VGLL3: variants seen among roughly 807,000 people sequenced by gnomAD.
The protein encoded by VGLL3 is vestigial like family member 3, also known as transcription cofactor vestigial-like protein 3.
VGLL3 carries 18 observed loss-of-function variants against 29.2 expected under a neutral mutation model. The observed-to-expected ratio is 0.62, with a 90% CI of 0.43 to 0.91. The LOEUF (loss-of-function observed/expected upper bound fraction) is 0.91, where lower values mean the gene tolerates loss of function less well. VGLL3 is among the 40% of genes least tolerant of loss of function. The probability of loss-of-function intolerance (pLI) is 0.00; values close to 1 mark genes in which losing one functional copy is unlikely to be tolerated. For missense variants in VGLL3, 440 were observed against 413.2 expected (o/e 1.06, Z -0.56); for synonymous variants, 180 against 151.8 (o/e 1.19, Z -1.36).
intron 3 of VGLL3, among the ~76,000 whole-genome samples, chr3:86,959,984 AT>A (rs1704804624): frequency 6.6e-6 from 1 of 152,028 alleles, no homozygotes; most frequent in Non-Finnish European, 1.5e-5. Flanking sequence ...CTGCCTCTCC[AT>A]TTGCTTCTCT....
chr3:86,984,295 G>A (rs1197866281), intron 1 of VGLL3, among the ~76,000 whole-genome samples: 2 of 152,164 alleles, frequency 1.3e-5, no homozygotes, highest in Non-Finnish European at 2.9e-5. Context: ...TCAGGATTCT[G>A]TGTTTGTTTC....
At chr3:86,968,182 ATAC>A (rs1204463856) in intron 3 of VGLL3, among the ~76,000 whole-genome samples, 1 of 152,230 alleles carries the variant, frequency 6.6e-6, no homozygotes, top group Non-Finnish European at 1.5e-5. Flanking sequence ...TTTATAAGTC[ATAC>A]ATAAGGCCTA....
At chr3:86,978,823 C>T (rs375610170) in intron 1 of VGLL3, 21 bp from the exon 2 acceptor site, 7 of 1,572,670 alleles carry the variant, frequency 4.5e-6, no homozygotes, top group Non-Finnish European at 2.6e-6. Context: ...ATAAACAAAA[C>T]ACAGTATCAA....
intron 3 of VGLL3, chr3:86,962,137 T>A: frequency 1.0e-6 from 1 of 985,428 alleles, no homozygotes; most frequent in Non-Finnish European, 1.2e-6. Flanking sequence ...AATGTGAGAT[T>A]TGTGATAACA....
intron 2 of VGLL3, among the ~76,000 whole-genome samples, chr3:86,973,236 A>T (rs1427018056): frequency 6.6e-6 from 1 of 152,160 alleles, no homozygotes; most frequent in Non-Finnish European, 1.5e-5. Flanking sequence ...TGTTATAGAA[A>T]CTCTAAGTCA....
chr3:86,971,511 C>T (rs1472114331), intron 2 of VGLL3, among the ~76,000 whole-genome samples: 1 of 152,236 alleles, frequency 6.6e-6, no homozygotes, highest in African/African-American at 2.4e-5. Context: ...GAACTGCACA[C>T]TTTAAGTCTT....
chr3:86,954,825 G>A (rs1704684195), intron 3 of VGLL3, among the ~76,000 whole-genome samples: 1 of 150,064 alleles, frequency 6.7e-6, no homozygotes, highest in Admixed American at 6.6e-5. Context: ...AGGAAGAAGG[G>A]AGTGGGGAAA....
At chr3:86,970,269 A>G (rs918911913) in intron 2 of VGLL3, among the ~76,000 whole-genome samples, 4 of 152,120 alleles carry the variant, frequency 2.6e-5, no homozygotes, top group Admixed American at 1.3e-4. Context: ...AATGGACATC[A>G]TTTTTAGTCA....
At position 86,968,673 on chromosome 3, in the gene VGLL3, G is replaced by T; in HGVS notation, c.854C>A (p.Thr285Asn). 1 of 1,614,208 alleles carries T rather than the reference G, an allele frequency of 6.2e-7. No homozygotes were observed. The highest frequency in any genetic ancestry group is 8.5e-7 in the Non-Finnish European group (1 of 1,180,038). ...TGCTGAGGTAGCAGAGGTGACTGTAGTTGGTTCTGTCTTTGTGATGTCACA... is the reference window on the plus strand; with the variant it reads ...TGCTGAGGTAGCAGAGGTGACTGTATTTGGTTCTGTCTTTGTGATGTCACA... ...PQCDITKTEP[T>N]TVTSATSAWA... is the part of the protein sequence containing the mutation. The change falls in exon 3 of 4, where the codon ACT (threonine) becomes AAT (asparagine). Residue 285 changes from threonine (T) to asparagine (N), a missense_variant. Coordinates refer to ENST00000398399, the MANE Select transcript of VGLL3 (RefSeq NM_016206.4).
At chr3:86,966,652 G>A (rs1230348863) in intron 3 of VGLL3, among the ~76,000 whole-genome samples, 1 of 150,852 alleles carries the variant, frequency 6.6e-6, no homozygotes, top group East Asian at 2.0e-4. Context: ...CTTCAGCTTG[G>A]ACACATAACA....
intron 1 of VGLL3, among the ~76,000 whole-genome samples, chr3:86,981,995 C>T (rs1705335222): frequency 6.6e-6 from 1 of 152,138 alleles, no homozygotes; most frequent in Non-Finnish European, 1.5e-5. Flanking sequence ...TAAGTGCGAT[C>T]ATGAGGAAAA....
At chr3:86,952,645 T>A (rs1382392387) in intron 3 of VGLL3, among the ~76,000 whole-genome samples, 2 of 152,176 alleles carry the variant, frequency 1.3e-5, no homozygotes, top group East Asian at 3.8e-4. Flanking sequence ...CAAGAAGCCA[T>A]GTGGATTAGA....
chr3:86,947,370 C>T (rs573827274), intron 3 of VGLL3, among the ~76,000 whole-genome samples: 10 of 152,004 alleles, frequency 6.6e-5, no homozygotes, highest in East Asian at 1.9e-4. Context: ...ATAGCAAAAA[C>T]GAAACATTTG....
chr3:86,947,165 T>C, intron 3 of VGLL3, 98 bp from the exon 4 acceptor site: 2 of 742,890 alleles, frequency 2.7e-6, no homozygotes, highest in Non-Finnish European at 5.0e-6. Context: ...GAAACCAAAA[T>C]GATAATCCAG....
chr3:86,966,052 C>T (rs1704951318), intron 3 of VGLL3, among the ~76,000 whole-genome samples: 1 of 152,006 alleles, frequency 6.6e-6, no homozygotes, highest in African/African-American at 2.4e-5. Context: ...ATAAAATGAC[C>T]ACATATGGCT....
intron 2 of VGLL3, among the ~76,000 whole-genome samples, chr3:86,969,976 C>A (rs1705059742): frequency 6.6e-6 from 1 of 152,096 alleles, no homozygotes; most frequent in Non-Finnish European, 1.5e-5. Context: ...ATGGCTGGGC[C>A]TCTTCATAAA....
At chr3:86,972,753 A>C (rs148196610) in intron 2 of VGLL3, among the ~76,000 whole-genome samples, 4 of 152,302 alleles carry the variant, frequency 2.6e-5, no homozygotes, top group Non-Finnish European at 4.4e-5. Flanking sequence ...ATTCAATATT[A>C]CCTGGTATAC....
chr3:86,944,110 C>G lies in VGLL3; in HGVS notation c.*2914G>C, dbSNP rs1270611226. On this transcript the variant is annotated 3_prime_UTR_variant, in exon 4 of 4. Coordinates refer to ENST00000398399, the MANE Select transcript of VGLL3 (RefSeq NM_016206.4). ...TCAGAATATTATGCTAAATTACAAC[C>G]CATCCTCTTTTAGGACTTCTAACAG... The G allele has an allele frequency of 6.6e-6, 1 of 152,150 alleles. No individual in the cohort carries two copies. Among genetic ancestry groups the G allele is most frequent in the Non-Finnish European group, 1.5e-5 (1 of 68,032 alleles). 9.4% of individuals were successfully genotyped at this position (152,150 alleles called of 1,614,324 possible). A position where few individuals can be genotyped will look rare whatever the true frequency, so the allele number is the denominator to read the frequency against.
chr3:86,990,872 G>T lies in VGLL3; in HGVS notation c.-129C>A. ...CTCCAGCTGCTACTGCGGCGAAGGC[G>T]GGTCCTCGGCGGCCTCGGGCTCCGC... On this transcript the variant is annotated 5_prime_UTR_variant, in exon 1 of 4. Transcript: ENST00000398399. 3 of 1,149,404 alleles carry T rather than the reference G, an allele frequency of 2.6e-6. No homozygotes were observed. The highest frequency in any genetic ancestry group is 3.2e-6 in the Non-Finnish European group (3 of 927,758). 71.2% of individuals were successfully genotyped at this position (1,149,404 alleles called of 1,614,324 possible). A position where few individuals can be genotyped will look rare whatever the true frequency, so the allele number is the denominator to read the frequency against.
Sources: gnomAD v4.1 joint callset for allele counts (sites outside exome capture counted in the v4.1 genomes callset) on GRCh38, gnomAD v4.1.1 for gene constraint, MANE v1.5 for transcripts, NCBI Gene and HGNC (gene_info 2026-07-23, HGNC 2026-07-21) for gene names.